ST6GALNAC3: variants seen among roughly 807,000 people sequenced by gnomAD.
The protein encoded by ST6GALNAC3 is ST6 N-acetylgalactosaminide alpha-2,6-sialyltransferase 3.
ST6GALNAC3 carries 25 observed loss-of-function variants against 32.7 expected under a neutral mutation model. The observed-to-expected ratio is 0.76, with a 90% CI of 0.56 to 1.07. ST6GALNAC3 has a LOEUF of 1.07. Ranked by LOEUF, ST6GALNAC3 falls within the 50% of genes least tolerant of loss-of-function variation. The pLI is 0.00. For missense variants in ST6GALNAC3, 355 were observed against 382.4 expected, an observed-to-expected ratio of 0.93 and a Z score of 0.60; for synonymous variants, 129 against 133.1, an observed-to-expected ratio of 0.97 and a Z score of 0.21.
intron 3 of ST6GALNAC3, among the ~76,000 whole-genome samples, chr1:76,605,549 A>C (rs1006211726): frequency 3.3e-5 from 5 of 152,052 alleles, no homozygotes; most frequent in African/African-American, 1.2e-4. Context: ...TACAAGAAAA[A>C]AAAACAAACA....
intron 3 of ST6GALNAC3, among the ~76,000 whole-genome samples, chr1:76,555,943 T>C (rs1664893864): frequency 6.6e-6 from 1 of 152,096 alleles, no homozygotes; most frequent in African/African-American, 2.4e-5. Context: ...TTTTAGTGTA[T>C]TCAGAGTTGT....
chr1:76,488,053 A>G (rs1015937455), intron 3 of ST6GALNAC3, among the ~76,000 whole-genome samples: 2 of 152,132 alleles, frequency 1.3e-5, no homozygotes, highest in African/African-American at 2.4e-5. Context: ...GAATAAAACC[A>G]GAAGTCCTGG....
chr1:76,350,119 G>A (rs890390351), intron 2 of ST6GALNAC3, among the ~76,000 whole-genome samples: 1 of 151,496 alleles, frequency 6.6e-6, no homozygotes, highest in Non-Finnish European at 1.5e-5. Context: ...ATTTCTGTTG[G>A]TTTTTTTTCA....
chr1:76,455,888 T>C (rs1264964786), intron 3 of ST6GALNAC3, among the ~76,000 whole-genome samples: 1 of 152,178 alleles, frequency 6.6e-6, no homozygotes, highest in Non-Finnish European at 1.5e-5. Context: ...GAATTATTTA[T>C]GTAAAAATAC....
intron 3 of ST6GALNAC3, among the ~76,000 whole-genome samples, chr1:76,545,138 C>G (rs191368335): frequency 1.9e-3 from 288 of 152,268 alleles, no homozygotes; most frequent in African/African-American, 6.5e-3. Context: ...AGCCTCGCCT[C>G]ACCTCTTAGA....
At chr1:76,545,028 T>C (rs1479851335) in intron 3 of ST6GALNAC3, among the ~76,000 whole-genome samples, 2 of 152,236 alleles carry the variant, frequency 1.3e-5, no homozygotes, top group Non-Finnish European at 2.9e-5. Flanking sequence ...GTGAGAACTT[T>C]GTTATAAAAC....
At chr1:76,492,811 G>C (rs1557485406) in intron 3 of ST6GALNAC3, among the ~76,000 whole-genome samples, 1 of 152,086 alleles carries the variant, frequency 6.6e-6, no homozygotes, top group Non-Finnish European at 1.5e-5. Flanking sequence ...AGAAGTTTTG[G>C]GGTCCCACAG....
chr1:76,203,791 T>C (rs1654670810), intron 1 of ST6GALNAC3, among the ~76,000 whole-genome samples: 1 of 152,206 alleles, frequency 6.6e-6, no homozygotes, highest in South Asian at 2.1e-4. Flanking sequence ...GTACCTGTGA[T>C]AATTTAATAC....
chr1:76,483,530 G>T (rs1315698075), intron 3 of ST6GALNAC3, among the ~76,000 whole-genome samples: 1 of 152,158 alleles, frequency 6.6e-6, no homozygotes, highest in Non-Finnish European at 1.5e-5. Context: ...CTTCTTTTGA[G>T]AAGTGTCTGT....
chr1:76,606,721 A>C (rs1647571571), intron 3 of ST6GALNAC3, among the ~76,000 whole-genome samples: 1 of 152,060 alleles, frequency 6.6e-6, no homozygotes, highest in Non-Finnish European at 1.5e-5. Context: ...CAGAGCTTAA[A>C]ATAAAATGAA....
In ST6GALNAC3 at chr1:76,449,682, A is replaced by G. The variant is rs562738216; in HGVS notation, c.623+37265A>G. The stretch of plus-strand genomic sequence containing the variant: ...GCCATATGATATAGAACATCTTTTC[A>G]TATGCTTATTTGTTATCTGTGTATC... On this transcript the variant is annotated intron_variant, in intron 3 of 4. Transcript: ENST00000328299. Among the ~76,000 whole-genome samples, 7 of 152,328 alleles carry G rather than the reference A, an allele frequency of 4.6e-5. No individual in the cohort carries two copies. In the South Asian group the frequency reaches 1.4e-3, roughly 32 times the overall value.
intron 1 of ST6GALNAC3, among the ~76,000 whole-genome samples, chr1:76,208,840 G>A (rs1219369111): frequency 6.6e-6 from 1 of 152,066 alleles, no homozygotes; most frequent in Non-Finnish European, 1.5e-5. Context: ...TGGATTCTAG[G>A]GGTATTTTTT....
intron 3 of ST6GALNAC3, among the ~76,000 whole-genome samples, chr1:76,492,627 G>A (rs1307490561): frequency 1.3e-5 from 2 of 152,176 alleles, no homozygotes; most frequent in African/African-American, 4.8e-5. Context: ...GTACAAGGAT[G>A]TAGATGCACC....
chr1:76,483,954 C>G (rs889571888), intron 3 of ST6GALNAC3, among the ~76,000 whole-genome samples: 2 of 152,178 alleles, frequency 1.3e-5, no homozygotes, highest in Non-Finnish European at 2.9e-5. Flanking sequence ...AGCCAGCTTT[C>G]CCAGCACCAT....
At chr1:76,208,232 T>C (rs1654944016) in intron 1 of ST6GALNAC3, among the ~76,000 whole-genome samples, 1 of 152,254 alleles carries the variant, frequency 6.6e-6, no homozygotes, top group Admixed American at 6.5e-5. Flanking sequence ...CCCAGGGATA[T>C]ACAGTAACTA....
At chr1:76,283,399 C>G (rs1381163671) in intron 1 of ST6GALNAC3, among the ~76,000 whole-genome samples, 1 of 151,982 alleles carries the variant, frequency 6.6e-6, no homozygotes, top group East Asian at 1.9e-4. Flanking sequence ...AACTTAAATA[C>G]TTTCAGGCGC....
chr1:76,307,073 T>C (rs1344831643), intron 1 of ST6GALNAC3, among the ~76,000 whole-genome samples: 1 of 152,120 alleles, frequency 6.6e-6, no homozygotes, highest in Non-Finnish European at 1.5e-5. Context: ...AAGACTGATA[T>C]TGAGTACATA....
intron 1 of ST6GALNAC3, among the ~76,000 whole-genome samples, chr1:76,104,026 G>A (rs888790835): frequency 6.6e-6 from 1 of 152,084 alleles, no homozygotes; most frequent in Non-Finnish European, 1.5e-5. Flanking sequence ...ACCATTGTAC[G>A]TTGAAATTCT....
intron 1 of ST6GALNAC3, among the ~76,000 whole-genome samples, chr1:76,137,472 C>T (rs146486242): frequency 6.6e-6 from 1 of 152,252 alleles, no homozygotes; most frequent in African/African-American, 2.4e-5. Context: ...GGTCAAGAAG[C>T]ACAGAATATA....
Sources: gnomAD v4.1 joint callset for allele counts (sites outside exome capture counted in the v4.1 genomes callset) on GRCh38, gnomAD v4.1.1 for gene constraint, MANE v1.5 for transcripts, NCBI Gene and HGNC (gene_info 2026-07-23, HGNC 2026-07-21) for gene names.